ATP11A: variants seen among roughly 807,000 people sequenced by gnomAD.
The protein encoded by ATP11A is phospholipid-transporting ATPase IH.
In ATP11A, 81 loss-of-function variants were observed where a neutral mutation model predicts 154.4. The observed-to-expected ratio is 0.52, with a 90% CI of 0.44 to 0.63. The LOEUF is 0.63. Among genes scored for constraint, ATP11A ranks in the 30% least tolerant of loss-of-function variants. The pLI is 0.00. For synonymous variants in ATP11A, 623 were observed against 585.9 expected (o/e 1.06, Z -0.91); for missense variants, 1,316 against 1,474.3 (o/e 0.89, Z 1.76).
rs760457788 is a variant in ATP11A at position 112,886,708 on chromosome 13, A to G, written c.*4842A>G. ...GCTTTATTTTTTACTTTATCAAAGT[A>G]TACAGAATTTTAATATGCATATATT... On this transcript the variant is annotated 3_prime_UTR_variant, in exon 30 of 30. Transcript: ENST00000375645. The G allele has an allele frequency of 6.6e-6, 1 of 152,652 alleles. No homozygotes were observed. Among genetic ancestry groups the G allele is most frequent in the Non-Finnish European group, 1.5e-5 (1 of 68,046 alleles). The allele number at this position is 152,652 out of a possible 1,614,324, so 9.5% of individuals were successfully genotyped here.
intron 1 of ATP11A, among the ~76,000 whole-genome samples, chr13:112,742,347 A>C (rs879436887): frequency 1.3e-5 from 2 of 151,916 alleles, no homozygotes; most frequent in Admixed American, 6.6e-5. Context: ...CGCCTGAGAC[A>C]CTAGTGTCTG....
At chr13:112,739,550 A>C (rs2139739539) in intron 1 of ATP11A, among the ~76,000 whole-genome samples, 1 of 152,344 alleles carries the variant, frequency 6.6e-6, no homozygotes, top group East Asian at 1.9e-4. Context: ...CTGCTCGGAA[A>C]CACTTGGCAA....
intron 1 of ATP11A, among the ~76,000 whole-genome samples, chr13:112,732,159 C>T (rs1890552503): frequency 6.6e-6 from 1 of 152,194 alleles, no homozygotes. Context: ...CTCCTCCATT[C>T]AGGGCCCGTG....
intron 17 of ATP11A, among the ~76,000 whole-genome samples, chr13:112,846,767 C>T (rs1000621349): frequency 1.2e-4 from 18 of 152,170 alleles, no homozygotes; most frequent in African/African-American, 4.1e-4. Flanking sequence ...GATCTTAAAT[C>T]TTGTTCTGGG....
intron 6 of ATP11A, 142 bp downstream of exon 6, chr13:112,816,353 T>C: frequency 9.9e-7 from 1 of 1,011,782 alleles, no homozygotes; most frequent in East Asian, 2.6e-5. Flanking sequence ...GCCATGTTTT[T>C]CCTCACTTTT....
chr13:112,868,363 G>T (rs1408811984), intron 25 of ATP11A, among the ~76,000 whole-genome samples: 1 of 152,234 alleles, frequency 6.6e-6, no homozygotes, highest in African/African-American at 2.4e-5. Context: ...AATGGGTCTG[G>T]TCTGAGGACT....
chr13:112,737,724 G>A lies in ATP11A; in HGVS notation c.39+47269G>A, dbSNP rs143198839. ...AACAAGCAGGCTGTAAGGTTACATG[G>A]TCACTCTGGTTTGTATTGAGAATAA... On this transcript the variant is annotated intron_variant, in intron 1 of 29. Coordinates refer to ENST00000375645, the MANE Select transcript of ATP11A (RefSeq NM_015205.3). Among the ~76,000 whole-genome samples the A allele has an allele frequency of 2.1e-4, 32 of 152,350 alleles. No individual in the cohort carries two copies. In the East Asian group the frequency reaches 3.9e-3, roughly 18 times the overall value.
rs767116237 is a variant in ATP11A, at chr13:112,878,207, C to T, written c.3328-10C>T. The stretch of plus-strand genomic sequence containing the variant: ...CCCCTGTGTGCGTGGCCGCTGACCT[C>T]GGGACTAAGACTAAGAGCCAGTGCC... On this transcript the variant is annotated splice_polypyrimidine_tract_variant and intron_variant, in intron 28 of 29. Coordinates refer to ENST00000375645, the MANE Select transcript of ATP11A (RefSeq NM_015205.3). The T allele has an allele frequency of 7.4e-6, 12 of 1,613,906 alleles. No homozygotes were observed. The highest frequency in any genetic ancestry group is 2.2e-5 in the South Asian group (2 of 91,088).
intron 2 of ATP11A, among the ~76,000 whole-genome samples, chr13:112,789,859 T>G (rs111525810): frequency 0.012 from 1,788 of 151,350 alleles, 45 homozygotes; most frequent in African/African-American, 0.041. Flanking sequence ...GGAGACCTAC[T>G]TAATTCACAC....
chr13:112,796,037 T>C (rs756457573), intron 2 of ATP11A, among the ~76,000 whole-genome samples: 2 of 152,180 alleles, frequency 1.3e-5, no homozygotes, highest in Non-Finnish European at 2.9e-5. Flanking sequence ...GGTTAGCAAA[T>C]TGTGAATTAA....
chr13:112,782,114 T>G (rs9603947), intron 1 of ATP11A, among the ~76,000 whole-genome samples: 17,100 of 152,306 alleles, frequency 0.11, 1,601 homozygotes, highest in African/African-American at 0.25. Flanking sequence ...ACTGTTGGGC[T>G]GTATCTGAGT....
chr13:112,724,185 C>A (rs562302811), intron 1 of ATP11A, among the ~76,000 whole-genome samples: 3 of 140,112 alleles, frequency 2.1e-5, no homozygotes, highest in Non-Finnish European at 3.1e-5. Context: ...TCGCCCTCTT[C>A]GCCCCCATCG....
intron 5 of ATP11A, 70 bp from the exon 6 acceptor site, chr13:112,816,013 G>C: frequency 6.3e-7 from 1 of 1,597,082 alleles, no homozygotes; most frequent in Admixed American, 1.7e-5. Context: ...TGAGGGAAGC[G>C]GTCCCACAGG....
intron 6 of ATP11A, among the ~76,000 whole-genome samples, 163 bp downstream of exon 6, chr13:112,816,374 A>G (rs576454720): frequency 9.9e-5 from 15 of 151,720 alleles, no homozygotes; most frequent in Non-Finnish European, 2.1e-4. Flanking sequence ...CCTTCCTCCT[A>G]TTTTCCACTT....
intron 13 of ATP11A, among the ~76,000 whole-genome samples, chr13:112,831,973 CCA>C (rs2079103119): frequency 6.8e-6 from 1 of 146,380 alleles, no homozygotes; most frequent in Admixed American, 6.7e-5. Context: ...TCACACATGC[CCA>C]GACACCGTGT....
intron 1 of ATP11A, among the ~76,000 whole-genome samples, chr13:112,784,060 T>A (rs1407405182): frequency 6.6e-6 from 1 of 152,138 alleles, no homozygotes; most frequent in Non-Finnish European, 1.5e-5. Flanking sequence ...AGGAAGGAAT[T>A]CAAGGGCAAG....
intron 16 of ATP11A, among the ~76,000 whole-genome samples, chr13:112,841,494 C>A (rs572166980): frequency 5.4e-5 from 8 of 147,192 alleles, no homozygotes; most frequent in African/African-American, 2.0e-4. Context: ...ACAAACCAGC[C>A]GCCTGGCAGA....
At chr13:112,843,951 A>T (rs1165376665) in intron 17 of ATP11A, among the ~76,000 whole-genome samples, 1 of 152,194 alleles carries the variant, frequency 6.6e-6, no homozygotes, top group Non-Finnish European at 1.5e-5. Flanking sequence ...TCTGGAAAAT[A>T]CATCACTGAC....
intron 1 of ATP11A, among the ~76,000 whole-genome samples, chr13:112,734,021 C>A (rs2139706522): frequency 6.6e-6 from 1 of 152,288 alleles, no homozygotes; most frequent in Admixed American, 6.5e-5. Context: ...TACCATTACA[C>A]CAGGCTTTTG....
Sources: gnomAD v4.1 joint callset for allele counts (sites outside exome capture counted in the v4.1 genomes callset) on GRCh38, gnomAD v4.1.1 for gene constraint, MANE v1.5 for transcripts, NCBI Gene and HGNC (gene_info 2026-07-23, HGNC 2026-07-21) for gene names.